SAXO1: variants seen among roughly 807,000 people sequenced by gnomAD.
SAXO1 encodes 4930500O09Rik.
Under a neutral mutation model 17.5 loss-of-function variants are expected in SAXO1, and 21 were observed. That is an observed-to-expected ratio of 1.20 (90% CI 0.85 to 1.72). SAXO1 has a LOEUF of 1.72. SAXO1 is among the 40% of genes most tolerant of loss of function. The pLI is 0.00. For synonymous variants in SAXO1, 274 were observed against 216.5 expected (o/e 1.27, Z -2.33); for missense variants, 843 against 596.0 (o/e 1.41, Z -4.32).
intron 1 of SAXO1, among the ~76,000 whole-genome samples, chr9:19,005,675 G>T (rs751057578): frequency 6.6e-6 from 1 of 152,076 alleles, no homozygotes; most frequent in Non-Finnish European, 1.5e-5. Flanking sequence ...CTATACAAAC[G>T]CTGAGAAGAA....
At chr9:19,028,608 GC>G (rs1333016670) in intron 1 of SAXO1, among the ~76,000 whole-genome samples, 1 of 152,184 alleles carries the variant, frequency 6.6e-6, no homozygotes, top group Non-Finnish European at 1.5e-5. Flanking sequence ...ACAATACTCT[GC>G]TTTTTTGGTG....
At chr9:19,037,874 C>A (rs559165373), upstream of SAXO1, among the ~76,000 whole-genome samples, 1 of 152,168 alleles carries the variant, frequency 6.6e-6, no homozygotes, top group East Asian at 1.9e-4. Context: ...TATTACAAAT[C>A]AGAACACTGA....
Position 18,956,860 on chromosome 9 carries a change from C to T in SAXO1, c.39-5923G>A, listed in dbSNP as rs572731521. Among the ~76,000 whole-genome samples, 10 of 152,308 alleles carry T rather than the reference C, an allele frequency of 6.6e-5. No homozygotes were observed. The South Asian group carries it at 8.3e-4, about 13-fold the overall frequency. On this transcript the variant is annotated intron_variant, in intron 1 of 3. Transcript: ENST00000380534. ...TCTAATCTCACAGCAATGCGATGAGCGAGGCACTATCATCACCATTTTACA... is the reference window on the plus strand; with the variant it reads ...TCTAATCTCACAGCAATGCGATGAGTGAGGCACTATCATCACCATTTTACA...
intron 1 of SAXO1, among the ~76,000 whole-genome samples, chr9:19,031,558 C>G (rs1588565854): frequency 1.3e-5 from 2 of 152,138 alleles, no homozygotes; most frequent in South Asian, 4.1e-4. Context: ...AAGACACTGC[C>G]TCCAAAAAGA....
chr9:18,993,014 G>A (rs989065549), intron 1 of SAXO1, among the ~76,000 whole-genome samples: 2 of 152,028 alleles, frequency 1.3e-5, no homozygotes, highest in Non-Finnish European at 2.9e-5. Flanking sequence ...TGGTCAGGCT[G>A]GTCTTGAACT....
intron 1 of SAXO1, among the ~76,000 whole-genome samples, chr9:19,010,195 G>T (rs966822699): frequency 8.6e-5 from 13 of 151,970 alleles, no homozygotes; most frequent in African/African-American, 3.1e-4. Context: ...TTGAAACCTA[G>T]TAAGGTTTAT....
chr9:18,939,662 A>C (rs373861842), intron 3 of SAXO1, among the ~76,000 whole-genome samples: 2 of 152,234 alleles, frequency 1.3e-5, no homozygotes, highest in African/African-American at 4.8e-5. Flanking sequence ...GAAGGCCCTG[A>C]GGCTGGAGCA....
chr9:19,017,461 C>G (rs986558432), intron 1 of SAXO1, among the ~76,000 whole-genome samples: 1 of 152,234 alleles, frequency 6.6e-6, no homozygotes, highest in African/African-American at 2.4e-5. Context: ...ACACTGGCAG[C>G]ACCAGAGCAT....
chr9:18,979,352 T>C (rs757651729), intron 1 of SAXO1, among the ~76,000 whole-genome samples: 32 of 152,174 alleles, frequency 2.1e-4, no homozygotes, highest in Non-Finnish European at 4.0e-4. Context: ...CATGTGAGGG[T>C]AGAAAAATGT....
chr9:19,011,536 A>G lies in SAXO1; in HGVS notation c.38+21335T>C, dbSNP rs535615566. Among the ~76,000 whole-genome samples, 3 of 152,312 alleles carry G rather than the reference A, an allele frequency of 2.0e-5. No individual in the cohort carries two copies. In the South Asian group the frequency reaches 6.2e-4, roughly 32 times the overall value. On this transcript the variant is annotated intron_variant, in intron 1 of 3. Coordinates refer to ENST00000380534, the MANE Select transcript of SAXO1 (RefSeq NM_153707.4). Reference sequence around the variant, plus strand: ...TCTTGTGTGCCCAGAGCTAAACCCTAAATTGTAGGGCCCAAGGCTAAGTCA... The same window carrying G: ...TCTTGTGTGCCCAGAGCTAAACCCTGAATTGTAGGGCCCAAGGCTAAGTCA...
intron 1 of SAXO1, among the ~76,000 whole-genome samples, chr9:19,047,752 CAAAG>C (rs2131080564): frequency 6.6e-6 from 1 of 152,234 alleles, no homozygotes; most frequent in East Asian, 1.9e-4. Context: ...AGGGTAAAAA[CAAAG>C]AAATTTTCAG....
rs921785431 is a variant in SAXO1, at chr9:18,951,016, G to T, written c.39-79C>A. Reference sequence around the variant, plus strand: ...TTTCCTAAGAGTACTTCCGCCAAATGTGACTCAGACTGTAAAATCATGTGA... The same window carrying T: ...TTTCCTAAGAGTACTTCCGCCAAATTTGACTCAGACTGTAAAATCATGTGA... On this transcript the variant is annotated intron_variant, in intron 1 of 3. Transcript: ENST00000380534. 10 of 1,391,940 alleles carry T rather than the reference G, an allele frequency of 7.2e-6. No individual in the cohort carries two copies. In the African/African-American group the frequency reaches 1.3e-4, roughly 18 times the overall value. The allele number at this position is 1,391,940 out of a possible 1,614,324, so 86.2% of individuals were successfully genotyped here.
At chr9:19,043,767 C>G (rs1290815044) in intron 1 of SAXO1, among the ~76,000 whole-genome samples, 1 of 145,142 alleles carries the variant, frequency 6.9e-6, no homozygotes, top group East Asian at 2.0e-4. Flanking sequence ...GACCCTGTCT[C>G]GAAAAAAAAA....
intron 1 of SAXO1, among the ~76,000 whole-genome samples, chr9:19,023,909 T>G (rs1460348164): frequency 6.9e-6 from 1 of 144,978 alleles, no homozygotes; most frequent in Non-Finnish European, 1.5e-5. Flanking sequence ...GAGTCCGAGG[T>G]GGGAAGATTG....
chr9:19,025,168 TCAATC>T (rs1835420489), intron 1 of SAXO1, among the ~76,000 whole-genome samples: 1 of 152,178 alleles, frequency 6.6e-6, no homozygotes, highest in African/African-American at 2.4e-5. Context: ...CAATAAAAAT[TCAATC>T]TTAACGTGAA....
chr9:19,032,581 T>C (rs1563994486), intron 1 of SAXO1, among the ~76,000 whole-genome samples: 1 of 152,192 alleles, frequency 6.6e-6, no homozygotes, highest in East Asian at 1.9e-4. Context: ...TGGCTGACAC[T>C]TTCTGGGCTT....
At chr9:18,995,881 A>G (rs935935950) in intron 1 of SAXO1, among the ~76,000 whole-genome samples, 1 of 152,068 alleles carries the variant, frequency 6.6e-6, no homozygotes, top group African/African-American at 2.4e-5. Flanking sequence ...GGAGTTTGAG[A>G]CCAGCCTGGC....
chr9:19,027,438 G>A, intron 1 of SAXO1: 1 of 757,496 alleles, frequency 1.3e-6, no homozygotes, highest in Non-Finnish European at 2.4e-6. Flanking sequence ...AGGAACTGGT[G>A]GAGGCCACTG....
intron 3 of SAXO1, among the ~76,000 whole-genome samples, chr9:18,935,508 G>C (rs1208190069): frequency 6.6e-6 from 1 of 152,130 alleles, no homozygotes; most frequent in Non-Finnish European, 1.5e-5. Context: ...ATGTAGCCTT[G>C]CCCATGTGCA....
Sources: allele counts gnomAD v4.1 joint callset (sites outside exome capture counted in the v4.1 genomes callset), GRCh38; gene constraint gnomAD v4.1.1; transcripts MANE v1.5; gene names NCBI Gene and HGNC (gene_info 2026-07-23, HGNC 2026-07-21).